Variants in FGFR2 observed in about 807,000 individuals in gnomAD.
The protein encoded by FGFR2 is fibroblast growth factor receptor 2.
Under a neutral mutation model 95.9 loss-of-function variants are expected in FGFR2, and 19 were observed. The observed-to-expected ratio is 0.20, with a 90% confidence interval of 0.14 to 0.29. The LOEUF (loss-of-function observed/expected upper bound fraction) is 0.29. Ranked by LOEUF, FGFR2 falls within the 10% of genes least tolerant of loss-of-function variation. FGFR2 has a pLI of 1.00. For missense variants in FGFR2, 707 were observed against 1,056.9 expected (o/e 0.67, Z 4.59); for synonymous variants, 392 against 393.3 (o/e 1.00, Z 0.04).
At chr10:121,514,747 T>C (rs551268767) in intron 9 of FGFR2, among the ~76,000 whole-genome samples, 1 of 152,300 alleles carries the variant, frequency 6.6e-6, no homozygotes, top group South Asian at 2.1e-4. Flanking sequence ...CATGCTTATC[T>C]TAAAAAAGGT....
chr10:121,577,178 T>TAATATAGAGAGAGAGAGAGAG, intron 2 of FGFR2, among the ~76,000 whole-genome samples: 1 of 5,214 alleles, frequency 1.9e-4, no homozygotes, highest in Non-Finnish European at 3.3e-4. Flanking sequence ...TATATATATA[T>TAATATAGAGAGAGAGAGAGAG]AGAGAGAGAG....
chr10:121,587,485 G>T (rs1170413218), intron 2 of FGFR2, among the ~76,000 whole-genome samples: 5 of 152,164 alleles, frequency 3.3e-5, no homozygotes, highest in African/African-American at 9.7e-5. Flanking sequence ...TACGTAATGG[G>T]ATAAAATATT....
chr10:121,566,312 T>G (rs1857664073), intron 2 of FGFR2, among the ~76,000 whole-genome samples: 1 of 152,142 alleles, frequency 6.6e-6, no homozygotes. Context: ...CTGTGCTGGG[T>G]GAGCTGAGAC....
At chr10:121,575,161 TG>T (rs1859519376) in intron 2 of FGFR2, among the ~76,000 whole-genome samples, 1 of 152,232 alleles carries the variant, frequency 6.6e-6, no homozygotes, top group African/African-American at 2.4e-5. Context: ...CATTTAAGTC[TG>T]CCTTTGAGAA....
intron 2 of FGFR2, among the ~76,000 whole-genome samples, chr10:121,586,178 G>T (rs775008933): frequency 2.0e-5 from 3 of 152,186 alleles, no homozygotes; most frequent in Non-Finnish European, 2.9e-5. Context: ...TAATATAGGA[G>T]CTCAAGGGTT....
At chr10:121,580,009 T>A (rs913563287) in intron 2 of FGFR2, among the ~76,000 whole-genome samples, 1 of 152,184 alleles carries the variant, frequency 6.6e-6, no homozygotes, top group African/African-American at 2.4e-5. Context: ...AAATGGTGCA[T>A]ACTCCAGCGG....
intron 12 of FGFR2, among the ~76,000 whole-genome samples, 169 bp from the exon 13 acceptor site, chr10:121,496,891 G>A (rs1356545544): frequency 2.0e-5 from 3 of 150,040 alleles, no homozygotes; most frequent in Non-Finnish European, 4.4e-5. Context: ...AGCCCTTACA[G>A]AGGCCGAGGC....
At chr10:121,529,747 T>C (rs1173219192) in intron 6 of FGFR2, among the ~76,000 whole-genome samples, 1 of 152,114 alleles carries the variant, frequency 6.6e-6, no homozygotes, top group Non-Finnish European at 1.5e-5. Context: ...CCATCCCAAT[T>C]TATGGTCTTC....
At chr10:121,515,773 A>G (rs1381197387) in intron 8 of FGFR2, among the ~76,000 whole-genome samples, 1 of 151,166 alleles carries the variant, frequency 6.6e-6, no homozygotes, top group African/African-American at 2.4e-5. Flanking sequence ...CTTCCAAAGG[A>G]AGACTCCACA....
intron 2 of FGFR2, among the ~76,000 whole-genome samples, chr10:121,566,825 T>C (rs1011564342): frequency 2.0e-5 from 3 of 152,030 alleles, no homozygotes; most frequent in African/African-American, 7.2e-5. Flanking sequence ...GGCAGACACA[T>C]GGCCATGTCA....
intron 9 of FGFR2, among the ~76,000 whole-genome samples, chr10:121,511,618 G>A (rs3750813): frequency 0.057 from 8,643 of 152,130 alleles, 596 homozygotes; most frequent in African/African-American, 0.15. Flanking sequence ...CATTTAACTC[G>A]CTGGGCACCA....
chr10:121,569,224 C>CTTT (rs749808833), intron 2 of FGFR2, among the ~76,000 whole-genome samples: 2 of 83,846 alleles, frequency 2.4e-5, no homozygotes, highest in African/African-American at 1.0e-4. Context: ...CTTTTCTTTT[C>CTTT]TTTTTTTTTT....
chr10:121,551,488 T>C (rs2134845890), intron 4 of FGFR2, 29 bp from the exon 5 acceptor site: 2 of 1,609,284 alleles, frequency 1.2e-6, no homozygotes, highest in Middle Eastern at 1.7e-4. Context: ...TTAGAATGTA[T>C]ACTGATGGAC....
At chr10:121,503,029 C>T (rs2134040055) in intron 10 of FGFR2, among the ~76,000 whole-genome samples, 1 of 152,372 alleles carries the variant, frequency 6.6e-6, no homozygotes, top group East Asian at 1.9e-4. Context: ...AAGAACTCTG[C>T]TCAGTCCTGG....
chr10:121,542,301 T>C (rs1310445503), intron 5 of FGFR2, among the ~76,000 whole-genome samples: 2 of 152,246 alleles, frequency 1.3e-5, no homozygotes, highest in African/African-American at 4.8e-5. Flanking sequence ...AGCAATGTAC[T>C]TTATATAATT....
intron 11 of FGFR2, among the ~76,000 whole-genome samples, chr10:121,499,148 C>A (rs1589762934): frequency 6.6e-6 from 1 of 152,170 alleles, no homozygotes; most frequent in South Asian, 2.1e-4. Context: ...CTAGTGGCTT[C>A]TCAGAGGGCA....
intron 6 of FGFR2, among the ~76,000 whole-genome samples, chr10:121,522,650 C>T (rs1230468961): frequency 6.6e-6 from 1 of 152,188 alleles, no homozygotes; most frequent in Non-Finnish European, 1.5e-5. Flanking sequence ...TAAATAACCA[C>T]CAGACCACCA....
intron 2 of FGFR2, among the ~76,000 whole-genome samples, chr10:121,577,190 G>T (rs1367180082): frequency 1.9e-5 from 2 of 105,550 alleles, no homozygotes; most frequent in African/African-American, 3.9e-5. Context: ...GAGAGAGAGA[G>T]AGAGAGAGAG....
chr10:121,515,460 A>T, intron 8 of FGFR2, 141 bp from the exon 9 acceptor site: 2 of 791,526 alleles, frequency 2.5e-6, no homozygotes, highest in Non-Finnish European at 2.2e-6. Context: ...AAAACTCCCA[A>T]ATGAAAATGA....
Sources: allele counts gnomAD v4.1 joint callset (sites outside exome capture counted in the v4.1 genomes callset), GRCh38; gene constraint gnomAD v4.1.1; transcripts MANE v1.5; gene names NCBI Gene and HGNC (gene_info 2026-07-23, HGNC 2026-07-21).